Variants in ZSCAN5A observed in about 807,000 individuals in gnomAD.
The protein encoded by ZSCAN5A is zinc finger and SCAN domain-containing protein 5A.
In ZSCAN5A, 12 loss-of-function variants were observed where a neutral mutation model predicts 23.7. That is an observed-to-expected ratio of 0.51 (90% CI 0.32 to 0.82). ZSCAN5A has a LOEUF of 0.82. ZSCAN5A is among the 40% of genes least tolerant of loss of function. The pLI, the probability that ZSCAN5A is intolerant of heterozygous loss-of-function variation, is 0.03. For missense variants in ZSCAN5A, 597 were observed against 617.9 expected (o/e 0.97, Z 0.36); for synonymous variants, 257 against 239.9 (o/e 1.07, Z -0.66).
chr19:56,230,615 A>ATACGTGTG (rs778155664), intron 2 of ZSCAN5A, among the ~76,000 whole-genome samples: 2 of 147,588 alleles, frequency 1.4e-5, no homozygotes, highest in Non-Finnish European at 3.0e-5. Flanking sequence ...TTATTTCTTG[A>ATACGTGTG]TGTGTGTGTG....
At chr19:56,224,109 A>G (rs1259492394) in intron 3 of ZSCAN5A, among the ~76,000 whole-genome samples, 1 of 151,832 alleles carries the variant, frequency 6.6e-6, no homozygotes, top group Non-Finnish European at 1.5e-5. Flanking sequence ...GACAAGGAGA[A>G]ATATTCTGGG....
chr19:56,230,767 T>C (rs2034398285), intron 2 of ZSCAN5A, among the ~76,000 whole-genome samples: 1 of 152,132 alleles, frequency 6.6e-6, no homozygotes, highest in Non-Finnish European at 1.5e-5. Flanking sequence ...ATGTAAAATA[T>C]AGAAAATAAA....
Position 56,351,922 on chromosome 19 carries a change from C to T in ZSCAN5A, c.-358+11313G>A, listed in dbSNP as rs554552368. On this transcript the variant is annotated intron_variant, in intron 2 of 6. Coordinates refer to the ZSCAN5A transcript ENST00000587340. This position sits in a 1 kb window ranked among gnomAD's most constrained non-coding sequence, Gnocchi z 4.8. ...CAGCAATAATTTTACAGACCTGAGA[C>T]GTTTGCAAGATGAAATTGTGTTGCG... is the stretch of plus-strand genomic sequence containing the variant. 6.6e-5 allele frequency among the ~76,000 whole-genome samples: 10 copies of T among 152,172 alleles called. No individual in the cohort carries two copies. The highest frequency in any genetic ancestry group is 4.1e-4 in the South Asian group (2 of 4,822).
intron 2 of ZSCAN5A, among the ~76,000 whole-genome samples, chr19:56,334,090 G>C (rs1476322547): frequency 6.6e-6 from 1 of 152,196 alleles, no homozygotes; most frequent in African/African-American, 2.4e-5. Context: ...AGATGGACAA[G>C]TCTGGAATGG....
chr19:56,244,523 G>T lies in ZSCAN5A; in HGVS notation c.-127-19350C>A. On this transcript the variant is annotated intron_variant, in intron 2 of 5. Transcript: ENST00000683990. ...GAGAGGACCCGAGGGGCTGCTCTAG[G>T]TCAGGGCTTCCAAGTAGAGGAGAGT... is the stretch of plus-strand genomic sequence containing the variant. The T allele has an allele frequency of 8.8e-6, 12 of 1,363,014 alleles. No homozygotes were observed. The South Asian group carries it at 1.0e-4, about 11-fold the overall frequency. 84.4% of individuals were successfully genotyped at this position (1,363,014 alleles called of 1,614,324 possible). A position where few individuals can be genotyped will look rare whatever the true frequency, so the allele number is the denominator to read the frequency against.
At chr19:56,339,385 A>G (rs917956901) in intron 2 of ZSCAN5A, among the ~76,000 whole-genome samples, 6 of 118,104 alleles carry the variant, frequency 5.1e-5, no homozygotes, top group African/African-American at 1.7e-4. Flanking sequence ...CGCATTTAGC[A>G]ATATGTGAAG....
intron 2 of ZSCAN5A, among the ~76,000 whole-genome samples, chr19:56,335,685 G>A (rs1219445742): frequency 3.3e-5 from 5 of 152,118 alleles, no homozygotes; most frequent in African/African-American, 1.2e-4. Flanking sequence ...AGCCTTGATG[G>A]TCTTTACAAT....
At chr19:56,345,154 T>G (rs2041623786) in intron 2 of ZSCAN5A, among the ~76,000 whole-genome samples, 1 of 152,090 alleles carries the variant, frequency 6.6e-6, no homozygotes, top group Non-Finnish European at 1.5e-5. Flanking sequence ...CTTAAGACAT[T>G]TCTAATATTA....
intron 1 of ZSCAN5A, among the ~76,000 whole-genome samples, chr19:56,363,795 C>T (rs1455316757): frequency 2.0e-5 from 3 of 152,212 alleles, no homozygotes; most frequent in African/African-American, 2.4e-5. Flanking sequence ...CAAGATGTGG[C>T]ATGGCTGTGT....
chr19:56,355,242 G>A (rs1239265971), intron 2 of ZSCAN5A, among the ~76,000 whole-genome samples: 3 of 148,570 alleles, frequency 2.0e-5, no homozygotes, highest in Non-Finnish European at 4.5e-5. Context: ...TTTTTCTCAT[G>A]ATAGATTATT....
chr19:56,308,085 G>A (rs937995927), intron 2 of ZSCAN5A, among the ~76,000 whole-genome samples: 38 of 152,222 alleles, frequency 2.5e-4, no homozygotes, highest in Admixed American at 2.5e-3. Context: ...CCAGGCTGGA[G>A]CGCAGTGGCG....
At chr19:56,319,773 C>G (rs1159891142), upstream of ZSCAN5A, 1 of 764,796 alleles carries the variant, frequency 1.3e-6, no homozygotes, top group Non-Finnish European at 2.4e-6. Flanking sequence ...GCATCCTAAG[C>G]CCGGTCCCTC....
intron 2 of ZSCAN5A, chr19:56,282,555 G>C (rs142214733): frequency 4.1e-6 from 4 of 973,554 alleles, no homozygotes; most frequent in East Asian, 2.3e-4. Flanking sequence ...TTGTCCAAAA[G>C]GGATCATTGC....
chr19:56,346,748 G>C (rs1297165231), intron 2 of ZSCAN5A, among the ~76,000 whole-genome samples: 1 of 150,558 alleles, frequency 6.6e-6, no homozygotes, highest in African/African-American at 2.5e-5. Flanking sequence ...TCGCTCTGTC[G>C]CCCAGGCTGG....
chr19:56,263,368 T>G (rs2037252823), intron 2 of ZSCAN5A: 1 of 152,132 alleles, frequency 6.6e-6, no homozygotes, highest in Non-Finnish European at 1.5e-5. Flanking sequence ...ATTTCACTTT[T>G]CCGAAAGCCA....
At chr19:56,362,528 A>C (rs557733509) in intron 2 of ZSCAN5A, among the ~76,000 whole-genome samples, 11 of 152,008 alleles carry the variant, frequency 7.2e-5, no homozygotes, top group African/African-American at 2.7e-4. Context: ...GAGATTGCAC[A>C]AAAAGGCAAC....
intron 2 of ZSCAN5A, among the ~76,000 whole-genome samples, chr19:56,287,712 T>C (rs1254137808): frequency 6.6e-6 from 1 of 152,042 alleles, no homozygotes; most frequent in Non-Finnish European, 1.5e-5. Flanking sequence ...GGGCTAGAAA[T>C]CATCTGAGTC....
chr19:56,332,587 T>C (rs937829157), intron 2 of ZSCAN5A, among the ~76,000 whole-genome samples: 3 of 152,198 alleles, frequency 2.0e-5, no homozygotes, highest in African/African-American at 4.8e-5. Flanking sequence ...AGCAGACAAA[T>C]GAGTCTTTCT....
chr19:56,303,985 G>C (rs914995292), intron 2 of ZSCAN5A, among the ~76,000 whole-genome samples: 2 of 152,156 alleles, frequency 1.3e-5, no homozygotes, highest in Non-Finnish European at 2.9e-5. Flanking sequence ...GGGCAGGGGG[G>C]TCCAGGTCAT....
Sources: gnomAD v4.1 joint callset for allele counts (sites outside exome capture counted in the v4.1 genomes callset) on GRCh38, gnomAD v4.1.1 for gene constraint, Gnocchi (gnomAD v3.1) non-coding constraint, MANE v1.5 for transcripts, NCBI Gene and HGNC (gene_info 2026-07-23, HGNC 2026-07-21) for gene names.